Variants in TASOR2 observed in about 807,000 individuals in gnomAD.
TASOR2 encodes protein TASOR 2.
TASOR2 carries 84 observed loss-of-function variants against 199.5 expected under a neutral mutation model. That is an observed-to-expected ratio of 0.42 (90% confidence interval 0.35 to 0.50). TASOR2 has a LOEUF of 0.50. TASOR2 is among the 20% of genes least tolerant of loss of function. The probability of loss-of-function intolerance (pLI) is 0.02; values close to 1 mark genes in which losing one functional copy is unlikely to be tolerated. For synonymous variants in TASOR2, 1,103 were observed against 1,046.6 expected (o/e 1.05, Z -1.04); for missense variants, 2,796 against 2,835.9 (o/e 0.99, Z 0.32).
At chr10:5,703,513 T>TC (rs976373128) in intron 1 of TASOR2, among the ~76,000 whole-genome samples, 4 of 144,482 alleles carry the variant, frequency 2.8e-5, no homozygotes, top group African/African-American at 1.0e-4. Flanking sequence ...ATTTTTTTTT[T>TC]TTTTTTTTTT....
At chr10:5,707,010 A>AT (rs1470670104) in intron 1 of TASOR2, among the ~76,000 whole-genome samples, 1 of 152,042 alleles carries the variant, frequency 6.6e-6, no homozygotes, top group East Asian at 1.9e-4. Context: ...TCTCAAAAAA[A>AT]AAAAAGTAAG....
intron 3 of TASOR2, among the ~76,000 whole-genome samples, chr10:5,718,314 G>A (rs145797565): frequency 2.0e-3 from 275 of 137,644 alleles, no homozygotes; most frequent in Admixed American, 6.0e-3. Flanking sequence ...CTGTGGTCTC[G>A]TTTTATTGTT....
rs936802929 is a variant in TASOR2, at chr10:5,748,787, C to T, written c.5366C>T (p.Thr1789Ile). The change falls in exon 15 of 21, where the codon ACA (threonine) becomes ATA (isoleucine). Residue 1789 changes from threonine (T) to isoleucine (I), a missense_variant. Thr to Ile is a moderately conservative substitution (Grantham distance 89). This residue lies in a region of TASOR2 where 1,941 missense variants were observed against 1,924.9 expected (regional missense o/e 1.01). Transcript: ENST00000328090. The surrounding 1 kb of genome is among the most constrained non-coding windows in gnomAD (Gnocchi z 5.1). ...GATACTTCTGTTTGTGGAATAGCCA[C>T]AGAGCACGTAGAAATTGAGAACAGT... 3 of 1,614,070 alleles carry T rather than the reference C, an allele frequency of 1.9e-6. No homozygotes were observed. Among genetic ancestry groups the T allele is most frequent in the Admixed American group, 3.3e-5 (2 of 60,002 alleles).
intron 10 of TASOR2, among the ~76,000 whole-genome samples, chr10:5,729,168 G>T (rs1665086838): frequency 2.0e-5 from 3 of 151,072 alleles, no homozygotes; most frequent in African/African-American, 4.9e-5. Context: ...GGCCAACATG[G>T]TGAAACCCCA....
Position 5,689,680 on chromosome 10 carries a change from G to T in TASOR2, c.-288+4505G>T, listed in dbSNP as rs962080723. ...CTGTAAATTGGAGATGTTTTTAAAT[G>T]TGTTTATTCATAATTTATTAAATGT... On this transcript the variant is annotated intron_variant, in intron 1 of 20. Coordinates refer to ENST00000328090, the Ensembl canonical transcript of TASOR2. The surrounding 1 kb of genome is among the most constrained non-coding windows in gnomAD (Gnocchi z 4.1). Among the ~76,000 whole-genome samples, 4 of 152,126 alleles carry T rather than the reference G, an allele frequency of 2.6e-5. No homozygotes were observed. The highest frequency in any genetic ancestry group is 7.2e-5 in the African/African-American group (3 of 41,430).
chr10:5,731,178 A>C (rs1564313340), exon 11 of TASOR2: 2 of 1,604,804 alleles, frequency 1.2e-6, no homozygotes, highest in Non-Finnish European at 1.7e-6. Flanking sequence ...TAGTTAAAGG[A>C]CAGTTTCCTC....
At chr10:5,746,601 A>G (rs1837249944) in exon 15 of TASOR2, 1 of 1,614,216 alleles carries the variant, frequency 6.2e-7, no homozygotes, top group Non-Finnish European at 8.5e-7. Flanking sequence ...AAAAAAATGC[A>G]CATGTACCAA....
At chr10:5,726,830 A>T (rs1834111085) in intron 8 of TASOR2, 55 bp from the exon 10 acceptor site, 2 of 1,475,740 alleles carry the variant, frequency 1.4e-6, no homozygotes, top group Non-Finnish European at 9.5e-7. Flanking sequence ...GGGTAGAGGG[A>T]GAAGAGAGGG....
Position 5,757,329 on chromosome 10 carries a change from T to C in TASOR2, c.6733-191T>C, listed in dbSNP as rs1839108028. On this transcript the variant is annotated intron_variant, in intron 16 of 20. Coordinates refer to ENST00000328090, the Ensembl canonical transcript of TASOR2. Reference sequence around the variant, plus strand: ...TTTTAATGAACTAATTTTGTTGAGTTTGCAGCCCCTGGTGATGATGAGCTC... The same window carrying C: ...TTTTAATGAACTAATTTTGTTGAGTCTGCAGCCCCTGGTGATGATGAGCTC... Among the ~76,000 whole-genome samples the C allele has an allele frequency of 3.9e-5, 6 of 152,196 alleles. No homozygotes were observed. The South Asian group carries it at 1.2e-3, about 32-fold the overall frequency.
intron 1 of TASOR2, among the ~76,000 whole-genome samples, chr10:5,693,998 C>G (rs1156778670): frequency 1.3e-5 from 2 of 151,944 alleles, no homozygotes; most frequent in East Asian, 3.8e-4. Context: ...AAAGAAAACA[C>G]TTGCAGCAGG....
chr10:5,758,581 A>C (rs1411707152), intron 17 of TASOR2, among the ~76,000 whole-genome samples: 1 of 152,184 alleles, frequency 6.6e-6, no homozygotes, highest in Non-Finnish European at 1.5e-5. Flanking sequence ...TCTCTACTGC[A>C]TCGGGGCCTC....
intron 15 of TASOR2, 80 bp from the exon 17 acceptor site, chr10:5,756,533 T>C: frequency 6.8e-7 from 1 of 1,467,720 alleles, no homozygotes; most frequent in Non-Finnish European, 9.2e-7. Flanking sequence ...CTATACTGCT[T>C]TTCATTATTT....
chr10:5,747,707 G>C (rs1295996411), exon 15 of TASOR2: 1 of 1,614,042 alleles, frequency 6.2e-7, no homozygotes, highest in Non-Finnish European at 8.5e-7. Flanking sequence ...AAACTTCATG[G>C]TACACAGTGT....
rs1415278946 is a variant in TASOR2, at chr10:5,743,265, C to G, written c.2757+739C>G. ...AGAAAGAGTAGACAGTGTTCCTATA[C>G]CCGGGGTCACCGGGGACTTGGAGGT... On this transcript the variant is annotated intron_variant, in intron 14 of 20. Coordinates refer to ENST00000328090, the Ensembl canonical transcript of TASOR2. Among the ~76,000 whole-genome samples the G allele has an allele frequency of 2.0e-5, 3 of 152,184 alleles. No homozygotes were observed. The East Asian group carries it at 5.8e-4, about 29-fold the overall frequency.
At chr10:5,714,419 T>G (rs1832339492) in intron 2 of TASOR2, 1 of 356,194 alleles carries the variant, frequency 2.8e-6, no homozygotes, top group Admixed American at 4.6e-5. Context: ...ATTGGTATTG[T>G]CTTGAGAATC....
chr10:5,749,974 T>C (rs1471301873), exon 15 of TASOR2: 1 of 1,613,618 alleles, frequency 6.2e-7, no homozygotes, highest in Non-Finnish European at 8.5e-7. Flanking sequence ...TAAAAGTACC[T>C]TCCTGTTCTA....
rs376877632 is a variant in TASOR2 at position 5,756,751 on chromosome 10, T to A, written c.6732+13T>A. The A allele has an allele frequency of 9.3e-6, 15 of 1,609,916 alleles. No individual in the cohort carries two copies. The highest frequency in any genetic ancestry group is 1.3e-5 in the African/African-American group (1 of 74,846). ...ACATTTGCATCAGGTCGGTTGGAAA[T>A]ACCTTACAAAGAAACGTATTCCAGG... On this transcript the variant is annotated intron_variant, in intron 16 of 20. Transcript: ENST00000328090.
chr10:5,712,851 CAAG>C, exon 2 of TASOR2: 1 of 1,230,802 alleles, frequency 8.1e-7, no homozygotes, highest in Non-Finnish European at 1.0e-6. Context: ...CAAAAAAAAG[CAAG>C]TAGTTATACT....
At chr10:5,753,990 G>C (rs1838464848) in intron 15 of TASOR2, among the ~76,000 whole-genome samples, 1 of 152,050 alleles carries the variant, frequency 6.6e-6, no homozygotes, top group Non-Finnish European at 1.5e-5. Flanking sequence ...CAAAATACTT[G>C]GTTTCTTTCA....
Sources: gnomAD v4.1 joint callset for allele counts (sites outside exome capture counted in the v4.1 genomes callset) on GRCh38, gnomAD v4.1.1 for gene constraint, gnomAD v4.1.1 regional missense constraint, Gnocchi (gnomAD v3.1) non-coding constraint, MANE v1.5 for transcripts, NCBI Gene and HGNC (gene_info 2026-07-23, HGNC 2026-07-21) for gene names.